The following CENPW variants were observed in gnomAD, a reference collection of about 807,000 sequenced individuals.
CENPW encodes the protein cancer-up-regulated gene 2 protein.
Under a neutral mutation model 11.1 loss-of-function variants are expected in CENPW, and 3 were observed. That is an observed-to-expected ratio of 0.27 (90% CI 0.12 to 0.70). The LOEUF is 0.70. CENPW is among the 30% of genes least tolerant of loss of function. CENPW has a pLI of 0.77. For missense variants in CENPW, 100 were observed against 105.6 expected (o/e 0.95, Z 0.23); for synonymous variants, 38 against 42.0 (o/e 0.91, Z 0.37).
At chr6:126,442,595 C>T in the CENPW span, among the ~76,000 whole-genome samples, 1 of 151,400 alleles carries the variant, frequency 6.6e-6, no homozygotes, top group South Asian at 2.1e-4. Flanking sequence ...CTCACTTAAA[C>T]TTTACATCTA....
chr6:126,441,296 A>G, the CENPW span, among the ~76,000 whole-genome samples: 3 of 151,388 alleles, frequency 2.0e-5, no homozygotes, highest in Non-Finnish European at 4.4e-5. Flanking sequence ...AGAATAGCCT[A>G]TAGAAATTTG....
At chr6:126,366,886 G>A in the CENPW span, among the ~76,000 whole-genome samples, 1 of 152,062 alleles carries the variant, frequency 6.6e-6, no homozygotes, top group Non-Finnish European at 1.5e-5. Flanking sequence ...ATGGTGGGAG[G>A]GTCAAGACAG....
At chr6:126,406,304 A>G in the CENPW span, among the ~76,000 whole-genome samples, 1 of 152,088 alleles carries the variant, frequency 6.6e-6, no homozygotes, top group African/African-American at 2.4e-5. Flanking sequence ...CCACTTGATT[A>G]TGGGTATAAA....
the CENPW span, among the ~76,000 whole-genome samples, chr6:126,381,588 A>G: frequency 6.6e-6 from 1 of 152,056 alleles, no homozygotes; most frequent in Non-Finnish European, 1.5e-5. Flanking sequence ...ACATTATCTG[A>G]ACTCTCACCT....
At chr6:126,474,395 G>A in the CENPW span, among the ~76,000 whole-genome samples, 2 of 152,080 alleles carry the variant, frequency 1.3e-5, no homozygotes, top group Non-Finnish European at 2.9e-5. Flanking sequence ...GAAATTTAGA[G>A]AGGGCTTGAA....
chr6:126,420,411 A>G, the CENPW span, among the ~76,000 whole-genome samples: 2 of 152,146 alleles, frequency 1.3e-5, no homozygotes, highest in African/African-American at 2.4e-5. Flanking sequence ...AGTCGCTGAA[A>G]AATAAACTAC....
At chr6:126,407,536 T>G in the CENPW span, among the ~76,000 whole-genome samples, 1 of 152,206 alleles carries the variant, frequency 6.6e-6, no homozygotes, top group Admixed American at 6.5e-5. Flanking sequence ...TTGAATTAAT[T>G]TTCATACTCC....
At chr6:126,361,609 A>G in the CENPW span, among the ~76,000 whole-genome samples, 7 of 152,000 alleles carry the variant, frequency 4.6e-5, no homozygotes, top group South Asian at 2.1e-4. Context: ...TTGTATTTCT[A>G]TGTTCATAAC....
chr6:126,387,520 T>C, the CENPW span, among the ~76,000 whole-genome samples: 21 of 152,118 alleles, frequency 1.4e-4, no homozygotes, highest in African/African-American at 4.8e-4. Flanking sequence ...ATTTCCTGAA[T>C]TGGCTTCTGA....
the CENPW span, among the ~76,000 whole-genome samples, chr6:126,420,582 T>C: frequency 6.6e-6 from 1 of 152,122 alleles, no homozygotes; most frequent in Non-Finnish European, 1.5e-5. Context: ...CTATAGGAAC[T>C]AGACCAAATT....
chr6:126,452,306 C>A, the CENPW span, among the ~76,000 whole-genome samples: 3 of 151,132 alleles, frequency 2.0e-5, no homozygotes, highest in Non-Finnish European at 4.4e-5. Context: ...ACAAATGACA[C>A]AGGTGTTGGA....
At chr6:126,434,106 A>G in the CENPW span, among the ~76,000 whole-genome samples, 4 of 152,168 alleles carry the variant, frequency 2.6e-5, no homozygotes, top group East Asian at 7.7e-4. Context: ...ATGCAATTTC[A>G]GAAATCTGTT....
chr6:126,341,202 C>G (rs1295621009), intron 1 of CENPW, among the ~76,000 whole-genome samples: 1 of 152,210 alleles, frequency 6.6e-6, no homozygotes, highest in Admixed American at 6.5e-5. Flanking sequence ...ACATATTCCT[C>G]TGGCACAATG....
chr6:126,480,561 T>C, the CENPW span, among the ~76,000 whole-genome samples: 1 of 152,022 alleles, frequency 6.6e-6, no homozygotes, highest in African/African-American at 2.4e-5. Context: ...GTAATATATT[T>C]AATTTGTTAT....
the CENPW span, among the ~76,000 whole-genome samples, chr6:126,429,103 GT>G: frequency 7.3e-5 from 11 of 151,622 alleles, no homozygotes; most frequent in Middle Eastern, 0.01. Flanking sequence ...ATTTTCCCAA[GT>G]TTTTTTTACT....
At chr6:126,412,514 G>A in the CENPW span, among the ~76,000 whole-genome samples, 1 of 152,190 alleles carries the variant, frequency 6.6e-6, no homozygotes, top group African/African-American at 2.4e-5. Flanking sequence ...TTACTATGAT[G>A]TGCTTGGGTA....
At chr6:126,354,610 A>G in the CENPW span, among the ~76,000 whole-genome samples, 1 of 152,114 alleles carries the variant, frequency 6.6e-6, no homozygotes, top group African/African-American at 2.4e-5. Context: ...TCTCCATAAA[A>G]GCTCTACTAT....
At chr6:126,350,263 C>T (rs938704797), downstream of CENPW, among the ~76,000 whole-genome samples, 2 of 151,998 alleles carry the variant, frequency 1.3e-5, no homozygotes, top group Non-Finnish European at 2.9e-5. Flanking sequence ...AATGAAATAC[C>T]ATGCACTGGA....
At chr6:126,460,363 T>A in the CENPW span, among the ~76,000 whole-genome samples, 6 of 151,762 alleles carry the variant, frequency 4.0e-5, no homozygotes, top group Non-Finnish European at 8.8e-5. Flanking sequence ...AAATTGATGG[T>A]TCTGAGAACT....
Sources: gnomAD v4.1 joint callset for allele counts (sites outside exome capture counted in the v4.1 genomes callset) on GRCh38, gnomAD v4.1.1 for gene constraint, MANE v1.5 for transcripts, NCBI Gene and HGNC (gene_info 2026-07-23, HGNC 2026-07-21) for gene names.